The following GTF3C1 variants were observed in gnomAD, a reference collection of about 807,000 sequenced individuals.
GTF3C1 encodes the protein general transcription factor IIIC subunit 1, also known as general transcription factor 3C polypeptide 1.
In GTF3C1, 57 loss-of-function variants were observed where a neutral mutation model predicts 226.7. The observed-to-expected ratio is 0.25, with a 90% CI of 0.20 to 0.31. GTF3C1 has a LOEUF of 0.31. Among genes scored for constraint, GTF3C1 ranks in the 10% least tolerant of loss-of-function variants. The pLI, the probability that GTF3C1 is intolerant of heterozygous loss-of-function variation, is 1.00. For missense variants in GTF3C1, 2,217 were observed against 2,776.1 expected (o/e 0.80, Z 4.53); for synonymous variants, 1,090 against 1,084.8 (o/e 1.00, Z -0.09).
In GTF3C1 at chr16:27,545,481, C is replaced by G; in HGVS notation, c.264G>C (p.Arg88Ser). 6.2e-7 allele frequency: 1 copy of G among 1,612,200 alleles called. No homozygotes were observed. Among genetic ancestry groups the G allele is most frequent in the Non-Finnish European group, 8.5e-7 (1 of 1,178,298 alleles). ...IDLETGILES[R>S]RDPVALEDVY... ...CATCCTCCAAAGCCACCGGGTCCCT[C>G]CTAGACTCCAAAATTCCAGTTTCCA... Residue 88 changes from arginine (R) to serine (S), a missense_variant, in exon 2 of 37, where the codon AGG (arginine) becomes AGC (serine). By Grantham distance (110) the Arg-to-Ser change is moderately radical (BLOSUM62 -1). Transcript: ENST00000356183.
intron 6 of GTF3C1, among the ~76,000 whole-genome samples, chr16:27,526,461 G>A (rs1195251237): frequency 2.0e-5 from 3 of 152,156 alleles, no homozygotes; most frequent in Admixed American, 1.3e-4. Context: ...CTGTCTCTGC[G>A]GGGAAGGGCC....
At position 27,469,796 on chromosome 16, in the gene GTF3C1, C is replaced by T. The variant is rs1487382972; in HGVS notation, c.4815-246G>A. On this transcript the variant is annotated intron_variant, in intron 31 of 36. Transcript: ENST00000356183. The surrounding 1 kb of genome is among the most constrained non-coding windows in gnomAD (Gnocchi z 4.5). Reference sequence around the variant, plus strand: ...TGTGGGGACTGTTCCTTTTGCCCGTCTCTCAGCCCAGAAAACACCCATTTC... The same window carrying T: ...TGTGGGGACTGTTCCTTTTGCCCGTTTCTCAGCCCAGAAAACACCCATTTC... Among the ~76,000 whole-genome samples, 1 of 152,198 alleles carries T rather than the reference C, an allele frequency of 6.6e-6. No homozygotes were observed. The highest frequency in any genetic ancestry group is 2.4e-5 in the African/African-American group (1 of 41,434).
In GTF3C1 at chr16:27,462,505, A is replaced by C. The variant is rs2087720895; in HGVS notation, c.5925-19T>G. 3.6e-5 allele frequency: 58 copies of C among 1,604,106 alleles called. No individual in the cohort carries two copies. Among genetic ancestry groups the C allele is most frequent in the Non-Finnish European group, 4.7e-5 (55 of 1,171,776 alleles). On this transcript the variant is annotated intron_variant, in intron 35 of 36. Coordinates refer to ENST00000356183, the MANE Select transcript of GTF3C1 (RefSeq NM_001520.4). The surrounding 1 kb of genome is among the most constrained non-coding windows in gnomAD (Gnocchi z 4.5). ...ACAGTCCCTGCAGGGAGAGGGCTTG[A>C]CATCAGGGCTTGGTGGGGGCAGGAG...
chr16:27,495,386 G>T lies in GTF3C1; in HGVS notation c.2457C>A (p.Thr819=), dbSNP rs118142432. 1.2e-5 allele frequency: 20 copies of T among 1,614,090 alleles called. No individual in the cohort carries two copies. The East Asian group carries it at 4.5e-4, about 36-fold the overall frequency. Residue 819 remains threonine, a synonymous_variant, in exon 15 of 37, where the codon ACC becomes ACA. Coordinates refer to ENST00000356183, the MANE Select transcript of GTF3C1 (RefSeq NM_001520.4). ...YLIYGHPASN[T]VEKPSFISER... ...CACTGATGAAGCTTGGCTTCTCCAC[G>T]GTGTTGCTGGCAGGGTGCCCGTAGA... is the stretch of plus-strand genomic sequence containing the variant.
intron 6 of GTF3C1, among the ~76,000 whole-genome samples, chr16:27,512,130 C>A (rs1279306265): frequency 6.6e-6 from 1 of 152,072 alleles, no homozygotes; most frequent in East Asian, 1.9e-4. Flanking sequence ...GTGAAGAAAG[C>A]AATGCAAATG....
At chr16:27,528,006 G>T (rs1214579144) in intron 6 of GTF3C1, among the ~76,000 whole-genome samples, 1 of 151,852 alleles carries the variant, frequency 6.6e-6, no homozygotes, top group Non-Finnish European at 1.5e-5. Flanking sequence ...GAGTGTGGTG[G>T]CTCACGCTTA....
In GTF3C1 at chr16:27,507,048, C is replaced by T. The variant is rs772364936; in HGVS notation, c.1351G>A (p.Glu451Lys). 13 of 1,613,720 alleles carry T rather than the reference C, an allele frequency of 8.1e-6. No homozygotes were observed. Among genetic ancestry groups the T allele is most frequent in the Admixed American group, 5.0e-5 (3 of 60,002 alleles). Residue 451 changes from glutamate to lysine, a missense_variant, in exon 9 of 37, where the codon GAG becomes AAG. Glu to Lys is a moderately conservative substitution (Grantham distance 56, BLOSUM62 1). Transcript: ENST00000356183. The surrounding 1 kb of genome is among the most constrained non-coding windows in gnomAD (Gnocchi z 4.9). Reference protein sequence around the residue: ...RQYQREKARSELLTTVSLASM... With the variant: ...RQYQREKARSKLLTTVSLASM... ...GCCAGGCTCACGGTGGTCAAGAGCT[C>T]GCTGCGGGCCTTCTCTCTTTGGTAC...
intron 6 of GTF3C1, among the ~76,000 whole-genome samples, chr16:27,522,644 G>A (rs1443466108): frequency 2.0e-5 from 3 of 152,218 alleles, no homozygotes; most frequent in Non-Finnish European, 4.4e-5. Context: ...GGAGGAGTCA[G>A]TCAGGATTCT....
intron 1 of GTF3C1, 60 bp downstream of exon 1, chr16:27,549,610 C>A (rs2141478973): frequency 1.2e-6 from 1 of 819,992 alleles, no homozygotes; most frequent in East Asian, 2.7e-5. Flanking sequence ...GCCCCCAGCT[C>A]CATCAGCCCC....
At position 27,463,591 on chromosome 16, in the gene GTF3C1, C is replaced by T. The variant is rs750475068; in HGVS notation, c.5874G>A (p.Gly1958=). ...TGGCAGCTCCGAAACTCTCTGTGAA[C>T]CCTGAGGGAAGAGGAAGAGAATGTG... ...QPPEGSEDPR[G]FTESFGAANI... The change falls in exon 35 of 37, where the codon GGG becomes GGA. Residue 1958 remains glycine, a splice_region_variant and synonymous_variant. Coordinates refer to ENST00000356183, the MANE Select transcript of GTF3C1 (RefSeq NM_001520.4). This position sits in a 1 kb window ranked among gnomAD's most constrained non-coding sequence, Gnocchi z 4.9. 1.5e-5 allele frequency: 23 copies of T among 1,584,012 alleles called. No individual in the cohort carries two copies. Among genetic ancestry groups the T allele is most frequent in the Non-Finnish European group, 2.0e-5 (23 of 1,152,306 alleles).
chr16:27,537,513 G>A (rs927216370), intron 4 of GTF3C1, among the ~76,000 whole-genome samples: 7 of 152,098 alleles, frequency 4.6e-5, no homozygotes, highest in Non-Finnish European at 5.9e-5. Context: ...GGGCTCAAGC[G>A]ATCCTCCTAC....
intron 11 of GTF3C1, 44 bp from the exon 12 acceptor site, chr16:27,501,388 T>C (rs1181838599): frequency 7.0e-6 from 11 of 1,581,852 alleles, no homozygotes; most frequent in Non-Finnish European, 9.5e-6. Context: ...AATCTCAACA[T>C]GGAAGGCCTT....
chr16:27,515,822 C>T (rs1193370783), intron 6 of GTF3C1, among the ~76,000 whole-genome samples: 1 of 152,208 alleles, frequency 6.6e-6, no homozygotes, highest in East Asian at 1.9e-4. Context: ...ATGGAGCAAT[C>T]CCTCAACATG....
At chr16:27,497,520 A>AAGAT (rs1280469937) in intron 14 of GTF3C1, 117 bp downstream of exon 14, 2 of 766,960 alleles carry the variant, frequency 2.6e-6, no homozygotes, top group Non-Finnish European at 4.4e-6. Flanking sequence ...CACAGCTCAG[A>AAGAT]CGCGATTCTT....
intron 29 of GTF3C1, 116 bp from the exon 30 acceptor site, chr16:27,472,036 G>A (rs1028047345): frequency 4.8e-6 from 4 of 839,056 alleles, no homozygotes; most frequent in East Asian, 2.6e-5. Flanking sequence ...ACCGATCGTG[G>A]GAGGCCCAGG....
In GTF3C1 at chr16:27,463,446, G is replaced by C. The variant is rs968464595; in HGVS notation, c.5924+95C>G. 2.6e-6 allele frequency: 2 copies of C among 768,868 alleles called. No homozygotes were observed. Among genetic ancestry groups the C allele is most frequent in the African/African-American group, 3.5e-5 (2 of 57,024 alleles). The allele number at this position is 768,868 out of a possible 1,614,324, so 47.6% of individuals were successfully genotyped here. On this transcript the variant is annotated intron_variant, in intron 35 of 36. Coordinates refer to ENST00000356183, the MANE Select transcript of GTF3C1 (RefSeq NM_001520.4). The surrounding 1 kb of genome is among the most constrained non-coding windows in gnomAD (Gnocchi z 4.9). ...GGGCAGGCTGTCAGAGCTGGTACCT[G>C]GGGAAAGACCCTCAAAGACCCTCAC...
chr16:27,507,191 A>C lies in GTF3C1; in HGVS notation c.1243-35T>G. 1 of 1,491,728 alleles carries C rather than the reference A, an allele frequency of 6.7e-7. No homozygotes were observed. 92.4% of individuals were successfully genotyped at this position (1,491,728 alleles called of 1,614,324 possible). A position where few individuals can be genotyped will look rare whatever the true frequency, so the allele number is the denominator to read the frequency against. The stretch of plus-strand genomic sequence containing the variant: ...ATAAGATGTGTTTATCCCACTGCAA[A>C]GAGGGCGTCATACCCACAGGGGTTC... On this transcript the variant is annotated intron_variant, in intron 8 of 36. Coordinates refer to ENST00000356183, the MANE Select transcript of GTF3C1 (RefSeq NM_001520.4). This position sits in a 1 kb window ranked among gnomAD's most constrained non-coding sequence, Gnocchi z 4.9.
At chr16:27,526,016 T>C (rs2088828628) in intron 6 of GTF3C1, among the ~76,000 whole-genome samples, 2 of 152,184 alleles carry the variant, frequency 1.3e-5, no homozygotes, top group African/African-American at 2.4e-5. Flanking sequence ...CCCTGTGTTT[T>C]GGAAGTGGAG....
At chr16:27,487,119 A>G (rs752904670) in intron 23 of GTF3C1, among the ~76,000 whole-genome samples, 2 of 152,266 alleles carry the variant, frequency 1.3e-5, no homozygotes, top group East Asian at 1.9e-4. Context: ...AAAGTGGGGA[A>G]AGGAAATTTG....
Sources: gnomAD v4.1 joint callset for allele counts (sites outside exome capture counted in the v4.1 genomes callset) on GRCh38, gnomAD v4.1.1 for gene constraint, Gnocchi (gnomAD v3.1) non-coding constraint, MANE v1.5 for transcripts, NCBI Gene and HGNC (gene_info 2026-07-23, HGNC 2026-07-21) for gene names.